ERC2: variants seen among roughly 807,000 people sequenced by gnomAD.
ERC2 encodes ELKS/RAB6-interacting/CAST family member 2.
In ERC2, 42 loss-of-function variants were observed where a neutral mutation model predicts 114.8. That is an observed-to-expected ratio of 0.37 (90% CI 0.29 to 0.47). The LOEUF is 0.47. ERC2 is among the 20% of genes least tolerant of loss of function. The pLI, the probability that ERC2 is intolerant of heterozygous loss-of-function variation, is 0.99. For synonymous variants in ERC2, 454 were observed against 425.5 expected, an observed-to-expected ratio of 1.07 and a Z score of -0.82; for missense variants, 939 against 1,150.7, an observed-to-expected ratio of 0.82 and a Z score of 2.66.
intron 2 of ERC2, among the ~76,000 whole-genome samples, chr3:56,409,736 G>A (rs945255520): frequency 9.2e-5 from 14 of 152,220 alleles, no homozygotes; most frequent in Admixed American, 7.8e-4. Context: ...TAGTGACCCC[G>A]TGTATCTTCA....
chr3:56,026,291 C>T (rs143404672), intron 7 of ERC2, among the ~76,000 whole-genome samples: 22,723 of 152,060 alleles, frequency 0.15, 1,799 homozygotes, highest in East Asian at 0.17. Context: ...TCCAAGTGAT[C>T]TGCCTGCCTC....
intron 3 of ERC2, among the ~76,000 whole-genome samples, chr3:56,274,446 C>T (rs1242677547): frequency 6.6e-6 from 1 of 152,068 alleles, no homozygotes. Flanking sequence ...AACCTGAATA[C>T]ACAAATTCCC....
chr3:56,177,918 A>G (rs1278007810), intron 3 of ERC2, among the ~76,000 whole-genome samples: 1 of 152,224 alleles, frequency 6.6e-6, no homozygotes, highest in Non-Finnish European at 1.5e-5. Flanking sequence ...ACAGAAAAAA[A>G]TAAGGGAAGA....
intron 17 of ERC2, among the ~76,000 whole-genome samples, chr3:55,625,517 C>T (rs569807783): frequency 2.0e-5 from 3 of 151,822 alleles, no homozygotes; most frequent in South Asian, 4.2e-4. Context: ...TTTGGGAGGC[C>T]GAGGCTGATG....
At chr3:56,319,740 G>C (rs766338577) in intron 2 of ERC2, among the ~76,000 whole-genome samples, 1 of 152,112 alleles carries the variant, frequency 6.6e-6, no homozygotes, top group East Asian at 1.9e-4. Flanking sequence ...AGAGGCCCAG[G>C]AAAGAGGAAC....
At chr3:56,301,783 AAG>A (rs2150370717) in intron 2 of ERC2, among the ~76,000 whole-genome samples, 1 of 151,532 alleles carries the variant, frequency 6.6e-6, no homozygotes, top group East Asian at 1.9e-4. Flanking sequence ...AAAATATAAT[AAG>A]AGAAATAATC....
intron 17 of ERC2, among the ~76,000 whole-genome samples, chr3:55,663,130 G>C (rs2061209386): frequency 6.6e-6 from 1 of 152,240 alleles, no homozygotes; most frequent in South Asian, 2.1e-4. Context: ...TGGATGAACG[G>C]AAGGGAGATG....
At chr3:56,347,298 A>G (rs62255872) in intron 2 of ERC2, among the ~76,000 whole-genome samples, 37,358 of 151,852 alleles carry the variant, frequency 0.25, 4,953 homozygotes, top group Non-Finnish European at 0.29. Flanking sequence ...CTCCAAACCC[A>G]CTTTTTCATG....
intron 1 of ERC2, among the ~76,000 whole-genome samples, chr3:56,436,582 G>T (rs2062028628): frequency 6.6e-6 from 1 of 151,992 alleles, no homozygotes; most frequent in African/African-American, 2.4e-5. Flanking sequence ...AGATAAGGTT[G>T]ACTCCCTTCA....
At chr3:55,603,801 C>A (rs2058521203) in intron 17 of ERC2, among the ~76,000 whole-genome samples, 1 of 152,086 alleles carries the variant, frequency 6.6e-6, no homozygotes. Flanking sequence ...GCTTTATACA[C>A]AAATCACACG....
intron 13 of ERC2, among the ~76,000 whole-genome samples, chr3:55,892,744 T>C (rs1009247609): frequency 4.6e-5 from 7 of 152,282 alleles, no homozygotes; most frequent in African/African-American, 1.7e-4. Flanking sequence ...ATATACATAA[T>C]TGTGTATATA....
rs567734434 is a variant in ERC2, at chr3:56,222,282, C to T, written c.1075-48762G>A. Among the ~76,000 whole-genome samples, 4 of 152,216 alleles carry T rather than the reference C, an allele frequency of 2.6e-5. No homozygotes were observed. The South Asian group carries it at 6.2e-4, about 24-fold the overall frequency. The stretch of plus-strand genomic sequence containing the variant: ...ATATCTTCTGTTTGTGAGAAATGTC[C>T]ACAACATACAGCTTGAACCCAGGTT... On this transcript the variant is annotated intron_variant, in intron 3 of 17. Coordinates refer to ENST00000288221, the MANE Select transcript of ERC2 (RefSeq NM_015576.3).
intron 13 of ERC2, among the ~76,000 whole-genome samples, chr3:55,934,484 T>C (rs1271423411): frequency 6.6e-6 from 1 of 152,194 alleles, no homozygotes; most frequent in African/African-American, 2.4e-5. Context: ...CTTATCCCCA[T>C]TTTAAAGATA....
chr3:55,908,331 C>T (rs1263524850), intron 13 of ERC2, among the ~76,000 whole-genome samples: 1 of 152,026 alleles, frequency 6.6e-6, no homozygotes, highest in Non-Finnish European at 1.5e-5. Flanking sequence ...AGTTTTGAGG[C>T]CTTATTTTAA....
intron 3 of ERC2, among the ~76,000 whole-genome samples, chr3:56,186,748 A>C (rs1355362429): frequency 6.6e-6 from 1 of 152,120 alleles, no homozygotes; most frequent in Non-Finnish European, 1.5e-5. Flanking sequence ...CATGTTGGCG[A>C]GACTGGTCAT....
intron 4 of ERC2, among the ~76,000 whole-genome samples, chr3:56,163,089 A>G (rs1320605127): frequency 6.6e-6 from 1 of 152,028 alleles, no homozygotes; most frequent in Non-Finnish European, 1.5e-5. Context: ...TAGTTCAAAT[A>G]ATTTTTATAG....
intron 2 of ERC2, among the ~76,000 whole-genome samples, chr3:56,324,105 G>C (rs1417286026): frequency 6.6e-6 from 1 of 152,184 alleles, no homozygotes; most frequent in Non-Finnish European, 1.5e-5. Flanking sequence ...ACACAGCACA[G>C]TTCCTATCCC....
intron 17 of ERC2, among the ~76,000 whole-genome samples, chr3:55,643,255 C>T (rs903668362): frequency 7.2e-5 from 11 of 152,148 alleles, no homozygotes; most frequent in African/African-American, 2.4e-4. Context: ...CTAGGCTCAC[C>T]TTTCCTTGAA....
At chr3:55,871,392 T>A (rs1236799059) in intron 14 of ERC2, among the ~76,000 whole-genome samples, 2 of 152,172 alleles carry the variant, frequency 1.3e-5, no homozygotes, top group Non-Finnish European at 2.9e-5. Flanking sequence ...GTGGCTTATG[T>A]TCAGACCTCA....
Sources: gnomAD v4.1 joint callset for allele counts (sites outside exome capture counted in the v4.1 genomes callset) on GRCh38, gnomAD v4.1.1 for gene constraint, MANE v1.5 for transcripts, NCBI Gene and HGNC (gene_info 2026-07-23, HGNC 2026-07-21) for gene names.